Variants in RPH3A observed in about 807,000 individuals in gnomAD.
RPH3A encodes the protein rabphilin-3A.
A neutral mutation model predicts 102.2 loss-of-function variants in RPH3A; 48 were observed. That is an observed-to-expected ratio of 0.47 (90% CI 0.37 to 0.60). The LOEUF (loss-of-function observed/expected upper bound fraction) is 0.60, where lower values mean the gene tolerates loss of function less well. RPH3A is among the 20% of genes least tolerant of loss of function. RPH3A has a pLI of 0.00. For missense variants in RPH3A, 781 were observed against 910.1 expected (o/e 0.86, Z 1.83); for synonymous variants, 310 against 324.3 (o/e 0.96, Z 0.47).
chr12:112,784,894 G>A (rs572652370), intron 1 of RPH3A, among the ~76,000 whole-genome samples: 4 of 152,296 alleles, frequency 2.6e-5, no homozygotes, highest in Non-Finnish European at 4.4e-5. Flanking sequence ...TTGTGTTTTG[G>A]TACTCACTGG....
intron 1 of RPH3A, among the ~76,000 whole-genome samples, chr12:112,694,569 CAG>C (rs1299025202): frequency 6.8e-6 from 1 of 146,042 alleles, no homozygotes; most frequent in African/African-American, 2.5e-5. Context: ...GAGAGAGAGA[CAG>C]AGAGAGAGAG....
intron 1 of RPH3A, among the ~76,000 whole-genome samples, chr12:112,672,380 A>G (rs1159573975): frequency 6.6e-6 from 1 of 152,202 alleles, no homozygotes; most frequent in African/African-American, 2.4e-5. Flanking sequence ...AAATGGTTCC[A>G]CAGCAACATC....
In RPH3A at chr12:112,896,886, C is replaced by A. The variant is rs891380816; in HGVS notation, c.*106C>A. ...CTCTATGCCTACCTCCCCCCATACC[C>A]TGCTGATCTCCCTGAGCCTGCCTTT... On this transcript the variant is annotated 3_prime_UTR_variant, in exon 22 of 22. Transcript: ENST00000389385. The A allele has an allele frequency of 2.4e-6, 3 of 1,274,556 alleles. No individual in the cohort carries two copies. The highest frequency in any genetic ancestry group is 3.3e-6 in the Non-Finnish European group (3 of 911,222). 79.0% of individuals were successfully genotyped at this position (1,274,556 alleles called of 1,614,324 possible).
chr12:112,886,820 T>A (rs943300932), intron 16 of RPH3A, among the ~76,000 whole-genome samples: 1 of 152,240 alleles, frequency 6.6e-6, no homozygotes, highest in East Asian at 1.9e-4. Flanking sequence ...TAAATGCAGT[T>A]GTTTTGAAAT....
chr12:112,861,930 G>A (rs571622401), intron 5 of RPH3A, among the ~76,000 whole-genome samples: 52 of 144,014 alleles, frequency 3.6e-4, no homozygotes, highest in Admixed American at 1.3e-3. Context: ...GGAGAATGAC[G>A]TGAACCTGGG....
chr12:112,581,281 T>C (rs1311054346), intron 1 of RPH3A, among the ~76,000 whole-genome samples: 1 of 152,058 alleles, frequency 6.6e-6, no homozygotes, highest in African/African-American at 2.4e-5. Flanking sequence ...TGGCAGGCCA[T>C]AGAGAGAGCA....
intron 2 of RPH3A, among the ~76,000 whole-genome samples, chr12:112,810,026 A>G (rs1033104164): frequency 1.3e-5 from 2 of 152,198 alleles, no homozygotes; most frequent in Non-Finnish European, 2.9e-5. Context: ...CCCTCAATGA[A>G]CAAGAACTAT....
chr12:112,711,427 G>A (rs944862638), intron 1 of RPH3A, among the ~76,000 whole-genome samples: 2 of 152,022 alleles, frequency 1.3e-5, no homozygotes, highest in Non-Finnish European at 2.9e-5. Context: ...CTTTGGGGAC[G>A]ACTTTCAGTT....
chr12:112,664,797 C>T (rs1177672311), intron 1 of RPH3A, among the ~76,000 whole-genome samples: 2 of 152,072 alleles, frequency 1.3e-5, no homozygotes, highest in African/African-American at 4.8e-5. Context: ...GCACCACGAC[C>T]CCGTGTCTTC....
chr12:112,874,699 C>G (rs900004119), intron 10 of RPH3A: 3 of 183,400 alleles, frequency 1.6e-5, no homozygotes, highest in African/African-American at 7.0e-5. Flanking sequence ...TTAGTACATG[C>G]CAAGCACTGT....
intron 1 of RPH3A, among the ~76,000 whole-genome samples, chr12:112,668,466 G>T (rs892257621): frequency 6.6e-6 from 1 of 152,096 alleles, no homozygotes; most frequent in African/African-American, 2.4e-5. Flanking sequence ...ATACACCATG[G>T]AATAGCATGC....
chr12:112,783,997 T>A (rs139674377), intron 1 of RPH3A, among the ~76,000 whole-genome samples: 1 of 152,328 alleles, frequency 6.6e-6, no homozygotes, highest in East Asian at 1.9e-4. Context: ...GAGGAGTGCT[T>A]TGAAAGACCT....
chr12:112,693,573 C>T (rs2040323344), intron 1 of RPH3A, among the ~76,000 whole-genome samples: 1 of 152,180 alleles, frequency 6.6e-6, no homozygotes, highest in South Asian at 2.1e-4. Flanking sequence ...ACTGCCTTTG[C>T]TCCTGCCACG....
At chr12:112,675,506 G>C (rs2040168447) in intron 1 of RPH3A, among the ~76,000 whole-genome samples, 1 of 152,220 alleles carries the variant, frequency 6.6e-6, no homozygotes, top group Admixed American at 6.5e-5. Context: ...TGAGACATAA[G>C]AGGCTTAAAT....
At chr12:112,689,479 G>A (rs1046847487) in intron 1 of RPH3A, among the ~76,000 whole-genome samples, 4 of 152,112 alleles carry the variant, frequency 2.6e-5, no homozygotes, top group African/African-American at 7.2e-5. Context: ...AACATTTGTG[G>A]GCCAAATTCC....
At chr12:112,809,853 A>C (rs1200036810) in intron 2 of RPH3A, among the ~76,000 whole-genome samples, 1 of 152,190 alleles carries the variant, frequency 6.6e-6, no homozygotes, top group Non-Finnish European at 1.5e-5. Flanking sequence ...GTGTCTCCAG[A>C]AACATGGAGT....
intron 10 of RPH3A, among the ~76,000 whole-genome samples, chr12:112,871,381 C>A (rs2042705274): frequency 6.6e-6 from 1 of 152,150 alleles, no homozygotes. Context: ...GGTAACCACT[C>A]TTTTTGATTC....
intron 1 of RPH3A, among the ~76,000 whole-genome samples, chr12:112,730,686 G>A (rs2040626761): frequency 6.6e-6 from 1 of 152,184 alleles, no homozygotes; most frequent in South Asian, 2.1e-4. Context: ...CCCAAGTGGT[G>A]ACATGGGGTT....
intron 12 of RPH3A, among the ~76,000 whole-genome samples, chr12:112,875,966 A>T (rs116503064): frequency 0.013 from 2,054 of 152,306 alleles, 57 homozygotes; most frequent in African/African-American, 0.047. Context: ...CCTGGGTTCA[A>T]ATCCCTGCCC....
Sources: allele counts gnomAD v4.1 joint callset (sites outside exome capture counted in the v4.1 genomes callset), GRCh38; gene constraint gnomAD v4.1.1; transcripts MANE v1.5; gene names NCBI Gene and HGNC (gene_info 2026-07-23, HGNC 2026-07-21).